Variants in PLXDC1 observed in about 807,000 individuals in gnomAD.
PLXDC1 encodes plexin domain-containing protein 1.
Under a neutral mutation model 61.3 loss-of-function variants are expected in PLXDC1, and 39 were observed. That is an observed-to-expected ratio of 0.64 (90% CI 0.49 to 0.83). The LOEUF (loss-of-function observed/expected upper bound fraction) is 0.83, where lower values mean the gene tolerates loss of function less well. Ranked by LOEUF, PLXDC1 falls within the 40% of genes least tolerant of loss-of-function variation. The pLI is 0.00. For synonymous variants in PLXDC1, 212 were observed against 254.5 expected, an observed-to-expected ratio of 0.83 and a Z score of 1.59; for missense variants, 596 against 666.5, an observed-to-expected ratio of 0.89 and a Z score of 1.17.
At chr17:39,100,101 A>G (rs981264378) in intron 7 of PLXDC1, among the ~76,000 whole-genome samples, 2 of 152,228 alleles carry the variant, frequency 1.3e-5, no homozygotes, top group African/African-American at 2.4e-5. Context: ...AAGGAGCCAA[A>G]GAAGGCCTCC....
At chr17:39,138,804 G>T (rs1013528961) in intron 2 of PLXDC1, among the ~76,000 whole-genome samples, 5 of 151,454 alleles carry the variant, frequency 3.3e-5, no homozygotes, top group African/African-American at 4.9e-5. Flanking sequence ...TGAGAAGAAG[G>T]TCCTCTTGTT....
At chr17:39,069,119 A>G (rs1362313158) in intron 13 of PLXDC1, among the ~76,000 whole-genome samples, 3 of 151,928 alleles carry the variant, frequency 2.0e-5, no homozygotes, top group African/African-American at 4.8e-5. Flanking sequence ...TTTTATTTCT[A>G]TTTTAGAGAT....
chr17:39,086,916 A>G (rs1193817546), intron 8 of PLXDC1, among the ~76,000 whole-genome samples: 1 of 150,990 alleles, frequency 6.6e-6, no homozygotes, highest in Non-Finnish European at 1.5e-5. Flanking sequence ...TGAGGCAGGG[A>G]GAAGGCCATG....
At chr17:39,128,097 G>GTGTATATATATATA (rs1911379292) in intron 2 of PLXDC1, among the ~76,000 whole-genome samples, 2 of 67,478 alleles carry the variant, frequency 3.0e-5, no homozygotes, top group African/African-American at 1.5e-4. Flanking sequence ...CTCTCTATGT[G>GTGTATATATATATA]TATATATATA....
intron 2 of PLXDC1, among the ~76,000 whole-genome samples, chr17:39,137,895 G>C (rs969251483): frequency 2.0e-5 from 3 of 151,936 alleles, no homozygotes; most frequent in Non-Finnish European, 4.4e-5. Flanking sequence ...TTTCTCGGGG[G>C]GATAAAGGAA....
At chr17:39,128,093 A>ATGTGTGTGTG (rs199563342) in intron 2 of PLXDC1, among the ~76,000 whole-genome samples, 1 of 58,098 alleles carries the variant, frequency 1.7e-5, no homozygotes, top group Non-Finnish European at 3.2e-5. Flanking sequence ...CTCTCTCTCT[A>ATGTGTGTGTG]TGTGTATATA....
intron 1 of PLXDC1, among the ~76,000 whole-genome samples, chr17:39,141,403 T>G (rs1246512342): frequency 6.6e-6 from 1 of 152,258 alleles, no homozygotes; most frequent in Non-Finnish European, 1.5e-5. Flanking sequence ...CTTTTTGTGA[T>G]TGGCTTATTT....
chr17:39,132,382 G>A (rs75924845), intron 2 of PLXDC1, among the ~76,000 whole-genome samples: 4,624 of 151,800 alleles, frequency 0.03, 80 homozygotes, highest in Middle Eastern at 0.088. Context: ...TCCTGCTCCC[G>A]TCCCCGAAAC....
Position 39,140,438 on chromosome 17 carries a change from T to G in PLXDC1, c.77-606A>C, listed in dbSNP as rs1911899892. On this transcript the variant is annotated intron_variant, in intron 1 of 13. Transcript: ENST00000315392. ...CTCCTGCCTCAGCCTCCCGAGTAGC[T>G]GGGACTACAGGCGCCCGCTACCGCG... 2.6e-5 allele frequency among the ~76,000 whole-genome samples: 4 copies of G among 152,360 alleles called. No homozygotes were observed. The South Asian group carries it at 8.3e-4, about 32-fold the overall frequency.
Position 39,065,392 on chromosome 17 carries a change from GTTCTT to G in PLXDC1, c.*2443_*2447del, listed in dbSNP as rs1908855204. ...TGACAATGTAAGCATTTCTTTTTCC[GTTCTT>G]TTTTTTTTTTTTTTTTTCGGAGACA... On this transcript the variant is annotated 3_prime_UTR_variant, in exon 14 of 14. Transcript: ENST00000315392. 1 of 120,350 alleles carries G rather than the reference GTTCTT, an allele frequency of 8.3e-6. No individual in the cohort carries two copies. The highest frequency in any genetic ancestry group is 1.6e-5 in the Non-Finnish European group (1 of 61,120). 7.5% of individuals were successfully genotyped at this position (120,350 alleles called of 1,614,324 possible). A position where few individuals can be genotyped will look rare whatever the true frequency, so the allele number is the denominator to read the frequency against.
Position 39,108,961 on chromosome 17 carries a change from A to C in PLXDC1, c.412T>G (p.Ser138Ala). 1 of 1,612,968 alleles carries C rather than the reference A, an allele frequency of 6.2e-7. No homozygotes were observed. The highest frequency in any genetic ancestry group is 8.5e-7 in the Non-Finnish European group (1 of 1,179,172). The change falls in exon 4 of 14, where the codon TCC (serine) becomes GCC (alanine). Residue 138 changes from serine to alanine, a missense_variant. Ser to Ala is a moderately conservative substitution (Grantham distance 99). Transcript: ENST00000315392. Reference protein sequence around the residue: ...THRQASRVVLSFDFPFYGHPL... With the variant: ...THRQASRVVLAFDFPFYGHPL... ...TGCCCGTAGAAAGGGAAATCAAAGG[A>C]CAAGACCACTCTCTGCAGGGGATGG...
chr17:39,067,091 G>C lies in PLXDC1; in HGVS notation c.*749C>G, dbSNP rs72821577. ...CTGTAACTGAGTCCAAATTCATTCT[G>C]CTTGCTGCGTCATAGCCAATACGTT... On this transcript the variant is annotated 3_prime_UTR_variant, in exon 14 of 14. Coordinates refer to ENST00000315392, the MANE Select transcript of PLXDC1 (RefSeq NM_020405.5). 1 of 152,148 alleles carries C rather than the reference G, an allele frequency of 6.6e-6. No individual in the cohort carries two copies. Among genetic ancestry groups the C allele is most frequent in the Non-Finnish European group, 1.5e-5 (1 of 68,034 alleles). 9.4% of individuals were successfully genotyped at this position (152,148 alleles called of 1,614,324 possible).
Position 39,108,106 on chromosome 17 carries a change from C to A in PLXDC1, c.592+17G>T. On this transcript the variant is annotated intron_variant, in intron 5 of 13. Coordinates refer to ENST00000315392, the MANE Select transcript of PLXDC1 (RefSeq NM_020405.5). ...TCCCTGGAGCTGGGTGACTTAAATT[C>A]TGAGATCCAGTCTCACCATTGTCAA... The A allele has an allele frequency of 6.2e-7, 1 of 1,614,134 alleles. No homozygotes were observed. Among genetic ancestry groups the A allele is most frequent in the Non-Finnish European group, 8.5e-7 (1 of 1,180,000 alleles).
chr17:39,128,085 C>CA (rs1911371623), intron 2 of PLXDC1, among the ~76,000 whole-genome samples: 6 of 91,598 alleles, frequency 6.6e-5, no homozygotes, highest in Non-Finnish European at 1.4e-4. Context: ...CTCTCTCTCT[C>CA]TCTCTCTATG....
At position 39,079,182 on chromosome 17, in the gene PLXDC1, G is replaced by A; in HGVS notation, c.990-18C>T. On this transcript the variant is annotated intron_variant, in intron 9 of 13. Coordinates refer to ENST00000315392, the MANE Select transcript of PLXDC1 (RefSeq NM_020405.5). Reference sequence around the variant, plus strand: ...TGGAGCATCTGCAGGAGGACCAAAAGGACAGAGTTATGATGGGATTGACAA... The same window carrying A: ...TGGAGCATCTGCAGGAGGACCAAAAAGACAGAGTTATGATGGGATTGACAA... The A allele has an allele frequency of 6.2e-7, 1 of 1,609,142 alleles. No homozygotes were observed. Among genetic ancestry groups the A allele is most frequent in the Admixed American group, 1.7e-5 (1 of 60,014 alleles).
chr17:39,109,518 G>A, intron 2 of PLXDC1, 127 bp from the exon 3 acceptor site: 2 of 1,167,822 alleles, frequency 1.7e-6, no homozygotes, highest in East Asian at 2.6e-5. Context: ...TGCTGGACCT[G>A]TGGCCCCAAG....
At chr17:39,146,588 G>A (rs964419499) in intron 1 of PLXDC1, among the ~76,000 whole-genome samples, 19 of 152,062 alleles carry the variant, frequency 1.2e-4, no homozygotes, top group Non-Finnish European at 2.6e-4. Context: ...AAGACAGGAG[G>A]ATTACCTGAG....
At chr17:39,115,197 C>T (rs1190573722) in intron 2 of PLXDC1, among the ~76,000 whole-genome samples, 3 of 152,240 alleles carry the variant, frequency 2.0e-5, no homozygotes, top group African/African-American at 7.2e-5. Context: ...AATGGCACCT[C>T]TTAACTGACA....
At chr17:39,075,373 C>T (rs1297802195) in intron 11 of PLXDC1, among the ~76,000 whole-genome samples, 1 of 152,240 alleles carries the variant, frequency 6.6e-6, no homozygotes, top group Non-Finnish European at 1.5e-5. Flanking sequence ...GAATCTGCCT[C>T]ACTTTTTCAC....
Sources: allele counts gnomAD v4.1 joint callset (sites outside exome capture counted in the v4.1 genomes callset), GRCh38; gene constraint gnomAD v4.1.1; transcripts MANE v1.5; gene names NCBI Gene and HGNC (gene_info 2026-07-23, HGNC 2026-07-21).